The following LRP1B variants were observed in gnomAD, a reference collection of about 807,000 sequenced individuals.
LRP1B encodes the protein LDL receptor related protein 1B, also known as low-density lipoprotein receptor-related protein 1B.
Under a neutral mutation model 556.6 loss-of-function variants are expected in LRP1B, and 217 were observed. The observed-to-expected ratio is 0.39, with a 90% CI of 0.35 to 0.44. The LOEUF (loss-of-function observed/expected upper bound fraction) is 0.44, where lower values mean the gene tolerates loss of function less well. LRP1B is among the 20% of genes least tolerant of loss of function. LRP1B has a pLI of 1.00. For synonymous variants in LRP1B, 2,047 were observed against 1,865.8 expected (o/e 1.10, Z -2.50); for missense variants, 5,053 against 5,620.8 (o/e 0.90, Z 3.23).
At chr2:141,080,037 C>T (rs1229452111) in intron 7 of LRP1B, among the ~76,000 whole-genome samples, 7 of 152,160 alleles carry the variant, frequency 4.6e-5, no homozygotes, top group African/African-American at 1.7e-4. Context: ...TGACAAAAAT[C>T]GTTTATTTCA....
rs556763057 is a variant in LRP1B at position 140,248,182 on chromosome 2, C to T, written c.13248-1020G>A. On this transcript the variant is annotated intron_variant, in intron 86 of 90. Coordinates refer to ENST00000389484, the MANE Select transcript of LRP1B (RefSeq NM_018557.3). ...TGAGCTAAGCTTCTACGATGCTATA[C>T]GAATTATTTGTGATAGTCGTAAAAT... Among the ~76,000 whole-genome samples, 8 of 151,640 alleles carry T rather than the reference C, an allele frequency of 5.3e-5. No individual in the cohort carries two copies. In the South Asian group the frequency reaches 8.3e-4, roughly 16 times the overall value.
chr2:141,606,891 C>T (rs1350349634), intron 2 of LRP1B, among the ~76,000 whole-genome samples: 2 of 152,042 alleles, frequency 1.3e-5, no homozygotes, highest in East Asian at 1.9e-4. Context: ...TACAGTATTG[C>T]CATTATTACA....
At chr2:141,195,729 G>A (rs548971680) in intron 6 of LRP1B, among the ~76,000 whole-genome samples, 1 of 152,208 alleles carries the variant, frequency 6.6e-6, no homozygotes, top group East Asian at 1.9e-4. Flanking sequence ...TCTTGAAAAT[G>A]TCTGCTCTAT....
intron 7 of LRP1B, among the ~76,000 whole-genome samples, chr2:141,090,139 G>T (rs988561938): frequency 6.6e-6 from 1 of 152,186 alleles, no homozygotes; most frequent in Non-Finnish European, 1.5e-5. Context: ...CCAACAGGGG[G>T]TTAGTGTTGA....
chr2:141,645,799 G>A (rs1689541350), intron 2 of LRP1B, among the ~76,000 whole-genome samples: 1 of 151,748 alleles, frequency 6.6e-6, no homozygotes, highest in Non-Finnish European at 1.5e-5. Context: ...ACAACGTCAA[G>A]GATAAATACA....
At chr2:141,813,603 CA>C in intron 1 of LRP1B, among the ~76,000 whole-genome samples, 1 of 149,850 alleles carries the variant, frequency 6.7e-6, no homozygotes, top group Non-Finnish European at 1.5e-5. Flanking sequence ...AACAAACAAA[CA>C]AAAAACAGGA....
intron 43 of LRP1B, among the ~76,000 whole-genome samples, chr2:140,549,435 T>C (rs969958464): frequency 1.3e-5 from 2 of 152,174 alleles, no homozygotes; most frequent in African/African-American, 4.8e-5. Flanking sequence ...CAATTAAAAG[T>C]GAGTTGATGG....
intron 1 of LRP1B, among the ~76,000 whole-genome samples, chr2:142,042,418 C>A (rs1014999231): frequency 6.6e-6 from 1 of 151,338 alleles, no homozygotes; most frequent in Non-Finnish European, 1.5e-5. Context: ...ATGTTTCAAG[C>A]AGAATGACTG....
At chr2:142,072,865 A>G (rs1705372763) in intron 1 of LRP1B, among the ~76,000 whole-genome samples, 2 of 152,196 alleles carry the variant, frequency 1.3e-5, no homozygotes, top group South Asian at 4.1e-4. Flanking sequence ...TGCCAAAATA[A>G]TTGTAGTCAA....
chr2:140,361,538 T>G (rs544301155), intron 72 of LRP1B, among the ~76,000 whole-genome samples: 18 of 150,996 alleles, frequency 1.2e-4, no homozygotes, highest in Non-Finnish European at 4.4e-5. Flanking sequence ...TAATCATTTT[T>G]CTGGAACTCA....
chr2:140,555,822 C>T (rs1047759378), intron 43 of LRP1B, among the ~76,000 whole-genome samples: 14 of 151,874 alleles, frequency 9.2e-5, no homozygotes, highest in African/African-American at 2.9e-4. Context: ...CTTTGTGTTC[C>T]AATTTATTTT....
At chr2:141,418,766 G>A (rs1443101844) in intron 3 of LRP1B, among the ~76,000 whole-genome samples, 6 of 151,500 alleles carry the variant, frequency 4.0e-5, no homozygotes, top group Admixed American at 2.6e-4. Flanking sequence ...TTCTATTTCT[G>A]TAAAAAATGC....
intron 26 of LRP1B, 24 bp from the exon 27 acceptor site, chr2:140,867,858 T>C (rs2105154611): frequency 8.0e-6 from 12 of 1,497,720 alleles, no homozygotes; most frequent in Non-Finnish European, 1.1e-5. Flanking sequence ...AATACATGAG[T>C]AGTTTGTCAA....
At chr2:140,447,604 A>G (rs1686716783) in intron 63 of LRP1B, among the ~76,000 whole-genome samples, 1 of 152,114 alleles carries the variant, frequency 6.6e-6, no homozygotes, top group Non-Finnish European at 1.5e-5. Flanking sequence ...TCACATTAGC[A>G]AGAAGGCATC....
At chr2:141,567,254 AT>A (rs112743591) in intron 2 of LRP1B, among the ~76,000 whole-genome samples, 3 of 151,414 alleles carry the variant, frequency 2.0e-5, no homozygotes, top group Admixed American at 6.6e-5. Flanking sequence ...AATTGCGATC[AT>A]TTTTTTTTCC....
chr2:140,579,459 G>T (rs189966918), intron 43 of LRP1B, among the ~76,000 whole-genome samples: 1 of 152,274 alleles, frequency 6.6e-6, no homozygotes, highest in East Asian at 1.9e-4. Flanking sequence ...CAAAAGGGAT[G>T]AATCCTCAAT....
At chr2:141,832,354 C>A (rs1029893783) in intron 1 of LRP1B, among the ~76,000 whole-genome samples, 1 of 151,104 alleles carries the variant, frequency 6.6e-6, no homozygotes, top group Admixed American at 6.6e-5. Flanking sequence ...CACACACACA[C>A]ACACACACAC....
rs1364622640 is a variant in LRP1B, at chr2:141,692,458, T to A, written c.205+117821A>T. ...CTATTCTTTGTTCCACTTAACCAATTCCTACTCATCTTTTCAGCATGAGTT... is the reference window on the plus strand; with the variant it reads ...CTATTCTTTGTTCCACTTAACCAATACCTACTCATCTTTTCAGCATGAGTT... On this transcript the variant is annotated intron_variant, in intron 2 of 90. Coordinates refer to ENST00000389484, the MANE Select transcript of LRP1B (RefSeq NM_018557.3). Among the ~76,000 whole-genome samples the A allele has an allele frequency of 2.0e-5, 3 of 151,992 alleles. No homozygotes were observed. In the East Asian group the frequency reaches 5.8e-4, roughly 30 times the overall value.
chr2:141,009,821 T>A (rs1321960111), intron 14 of LRP1B, among the ~76,000 whole-genome samples: 2 of 152,022 alleles, frequency 1.3e-5, no homozygotes, highest in South Asian at 2.1e-4. Flanking sequence ...CTTTTTCTTC[T>A]ATCTAAAAGT....
Sources: allele counts gnomAD v4.1 joint callset (sites outside exome capture counted in the v4.1 genomes callset), GRCh38; gene constraint gnomAD v4.1.1; transcripts MANE v1.5; gene names NCBI Gene and HGNC (gene_info 2026-07-23, HGNC 2026-07-21).